Variants in CXXC5 observed in about 807,000 individuals in gnomAD.
CXXC5 encodes CXXC-type zinc finger protein 5.
Under a neutral mutation model 17.6 loss-of-function variants are expected in CXXC5, and 2 were observed. The ratio of observed to expected loss-of-function variants is 0.11; its 90% CI spans 0.05 to 0.36. The LOEUF (loss-of-function observed/expected upper bound fraction) is 0.36, where lower values mean the gene tolerates loss of function less well. CXXC5 is among the 10% of genes least tolerant of loss of function. The pLI, the probability that CXXC5 is intolerant of heterozygous loss-of-function variation, is 1.00. For missense variants in CXXC5, 343 were observed against 458.3 expected, an observed-to-expected ratio of 0.75 and a Z score of 2.30; for synonymous variants, 171 against 193.0, an observed-to-expected ratio of 0.89 and a Z score of 0.94.
chr5:139,652,854 G>A (rs914440060), intron 1 of CXXC5, among the ~76,000 whole-genome samples: 12 of 152,172 alleles, frequency 7.9e-5, no homozygotes, highest in African/African-American at 2.9e-4. Context: ...GTGTGTATCT[G>A]TGTGCTTTGT....
intron 1 of CXXC5, among the ~76,000 whole-genome samples, chr5:139,674,956 C>G (rs893315436): frequency 6.6e-6 from 1 of 152,220 alleles, no homozygotes; most frequent in Non-Finnish European, 1.5e-5. Flanking sequence ...CTCTTTCATG[C>G]CTTTGTCCCC....
chr5:139,679,071 G>C (rs1367013171), intron 1 of CXXC5, among the ~76,000 whole-genome samples: 1 of 152,236 alleles, frequency 6.6e-6, no homozygotes, highest in Non-Finnish European at 1.5e-5. Flanking sequence ...CCAGAGGACA[G>C]GCTCCTGCTG....
At chr5:139,659,259 G>T (rs192783299) in intron 1 of CXXC5, among the ~76,000 whole-genome samples, 6 of 152,158 alleles carry the variant, frequency 3.9e-5, no homozygotes, top group Admixed American at 2.6e-4. Context: ...GGACTGAGGT[G>T]GGGGGAGGTA....
intron 1 of CXXC5, chr5:139,649,466 C>G (rs939582501): frequency 1.3e-5 from 2 of 152,260 alleles, no homozygotes. Flanking sequence ...GCGCCCTCGA[C>G]CACGCGTGGC....
chr5:139,661,086 C>G lies in CXXC5; in HGVS notation c.-161+12241C>G, dbSNP rs1755780765. On this transcript the variant is annotated intron_variant, in intron 1 of 2. Coordinates refer to ENST00000302517, the MANE Select transcript of CXXC5 (RefSeq NM_016463.9). This position sits in a 1 kb window ranked among gnomAD's most constrained non-coding sequence, Gnocchi z 4.7. ...AGCCTCCCCCACCTCCGCCCTCATGCTCTTCCCCATGCTGCAGCCTCCCCT... is the reference window on the plus strand; with the variant it reads ...AGCCTCCCCCACCTCCGCCCTCATGGTCTTCCCCATGCTGCAGCCTCCCCT... Among the ~76,000 whole-genome samples the G allele has an allele frequency of 6.6e-6, 1 of 152,172 alleles. No homozygotes were observed. The highest frequency in any genetic ancestry group is 2.4e-5 in the African/African-American group (1 of 41,450).
In CXXC5 at chr5:139,663,009, C is replaced by T. The variant is rs1755909684; in HGVS notation, c.-161+14164C>T. On this transcript the variant is annotated intron_variant, in intron 1 of 2. Transcript: ENST00000302517. This position sits in a 1 kb window ranked among gnomAD's most constrained non-coding sequence, Gnocchi z 4.2. ...AGACCTGGCATTTTTCTGGGGGTGG[C>T]ATCCCACAACAAGGGCTCCTTAATT... Among the ~76,000 whole-genome samples the T allele has an allele frequency of 6.6e-6, 1 of 152,160 alleles. No homozygotes were observed. The highest frequency in any genetic ancestry group is 6.5e-5 in the Admixed American group (1 of 15,278).
Position 139,670,953 on chromosome 5 carries a change from A to G in CXXC5, c.-160-9411A>G, listed in dbSNP as rs1398053348. The stretch of plus-strand genomic sequence containing the variant: ...CACTGTATGCATTGCTCTCGTCACC[A>G]TACACACTCCAGCCCCCTGAGCCCG... On this transcript the variant is annotated intron_variant, in intron 1 of 2. Coordinates refer to ENST00000302517, the MANE Select transcript of CXXC5 (RefSeq NM_016463.9). The surrounding 1 kb of genome is among the most constrained non-coding windows in gnomAD (Gnocchi z 4.2). Among the ~76,000 whole-genome samples the G allele has an allele frequency of 6.6e-6, 1 of 152,166 alleles. No individual in the cohort carries two copies. Among genetic ancestry groups the G allele is most frequent in the Non-Finnish European group, 1.5e-5 (1 of 68,018 alleles).
rs2126766606 is a variant in CXXC5, at chr5:139,661,720, G to T, written c.-161+12875G>T. ...CACAGGCGCAGCTGCTGTGGTCAGG[G>T]CTCTGTTCCCCTAGACGCCCCGTGT... On this transcript the variant is annotated intron_variant, in intron 1 of 2. Transcript: ENST00000302517. This position sits in a 1 kb window ranked among gnomAD's most constrained non-coding sequence, Gnocchi z 4.7. Among the ~76,000 whole-genome samples, 1 of 152,374 alleles carries T rather than the reference G, an allele frequency of 6.6e-6. No homozygotes were observed. The highest frequency in any genetic ancestry group is 1.5e-5 in the Non-Finnish European group (1 of 68,036).
intron 1 of CXXC5, 79 bp from the exon 2 acceptor site, chr5:139,680,285 C>T (rs1757105015): frequency 1.7e-6 from 1 of 584,100 alleles, no homozygotes; most frequent in Non-Finnish European, 3.0e-6. Context: ...GATGACAGGA[C>T]CGTTGATAGT....
chr5:139,654,854 C>G (rs1755401883), intron 1 of CXXC5, among the ~76,000 whole-genome samples: 2 of 152,180 alleles, frequency 1.3e-5, no homozygotes, highest in African/African-American at 4.8e-5. Context: ...GACAAGGGGA[C>G]TGACCCAGGT....
chr5:139,672,055 G>T (rs762033503), intron 1 of CXXC5, among the ~76,000 whole-genome samples: 7 of 152,202 alleles, frequency 4.6e-5, no homozygotes, highest in Non-Finnish European at 8.8e-5. Flanking sequence ...CACAGTGCCT[G>T]GTGGACAGTG....
Position 139,658,810 on chromosome 5 carries a change from A to G in CXXC5, c.-161+9965A>G, listed in dbSNP as rs543441494. ...GAGGAGGCTTTTTTCAAGGTCTAAC[A>G]TCACCCTGACAATACCTTGGGATTC... On this transcript the variant is annotated intron_variant, in intron 1 of 2. Transcript: ENST00000302517. The surrounding 1 kb of genome is among the most constrained non-coding windows in gnomAD (Gnocchi z 4.1). 6.6e-6 allele frequency among the ~76,000 whole-genome samples: 1 copy of G among 152,196 alleles called. No individual in the cohort carries two copies. Among genetic ancestry groups the G allele is most frequent in the Admixed American group, 6.5e-5 (1 of 15,290 alleles).
chr5:139,651,584 T>A (rs1379385727), intron 1 of CXXC5, among the ~76,000 whole-genome samples: 1 of 152,174 alleles, frequency 6.6e-6, no homozygotes, highest in Non-Finnish European at 1.5e-5. Flanking sequence ...GGCTTGTATC[T>A]GGGTGAAGAA....
rs34430057 is a variant in CXXC5, at chr5:139,652,147, G to GGC, written c.-161+3326_-161+3327dup. ...ACCACCTGGTCCCATCCTAGCCGCC[G>GGC]GCGCGCGCGCGCGCGCGCGCGCGCG... On this transcript the variant is annotated intron_variant, in intron 1 of 2. Coordinates refer to ENST00000302517, the MANE Select transcript of CXXC5 (RefSeq NM_016463.9). Among the ~76,000 whole-genome samples the GGC allele has an allele frequency of 1.8e-3, 240 of 136,598 alleles. 1 individual carries two copies. Among genetic ancestry groups the GGC allele is most frequent in the Non-Finnish European group, 2.1e-3 (133 of 63,488 alleles). 89.6% of individuals were successfully genotyped at this position (136,598 alleles called of 152,430 possible).
chr5:139,664,617 C>T (rs760167170), intron 1 of CXXC5, among the ~76,000 whole-genome samples: 22 of 152,156 alleles, frequency 1.4e-4, no homozygotes, highest in Non-Finnish European at 1.9e-4. Context: ...AATGACTGTG[C>T]GAGTCTGCCC....
In CXXC5 at chr5:139,651,764, C is replaced by T. The variant is rs191370576; in HGVS notation, c.-161+2919C>T. Reference sequence around the variant, plus strand: ...GAGGAATGAGGGAATACGGGTGAGCCAGACCCAAGCCTGGGTTCCTAGAGC... The same window carrying T: ...GAGGAATGAGGGAATACGGGTGAGCTAGACCCAAGCCTGGGTTCCTAGAGC... On this transcript the variant is annotated intron_variant, in intron 1 of 2. Coordinates refer to ENST00000302517, the MANE Select transcript of CXXC5 (RefSeq NM_016463.9). Among the ~76,000 whole-genome samples, 47 of 152,110 alleles carry T rather than the reference C, an allele frequency of 3.1e-4. 1 individual carries two copies. The Middle Eastern group carries it at 0.014, about 44-fold the overall frequency.
rs13166999 is a variant in CXXC5, at chr5:139,651,297, G to T, written c.-161+2452G>T. The T allele has an allele frequency of 5.8e-3, 883 of 152,246 alleles. 10 individuals are homozygous for T. The highest frequency in any genetic ancestry group is 0.037 in the South Asian group (178 of 4,816). The allele number at this position is 152,246 out of a possible 1,614,324, so 9.4% of individuals were successfully genotyped here. A position where few individuals can be genotyped will look rare whatever the true frequency, so the allele number is the denominator to read the frequency against. ...CTGGCCAGGGCCTCCTATCTCTCCC[G>T]CGACAGAGCCTGTTGACTTACCCGA... On this transcript the variant is annotated intron_variant, in intron 1 of 2. Transcript: ENST00000302517.
intron 1 of CXXC5, among the ~76,000 whole-genome samples, chr5:139,656,976 C>T (rs1377536729): frequency 6.6e-6 from 1 of 152,228 alleles, no homozygotes; most frequent in South Asian, 2.1e-4. Context: ...TCACCTGCCT[C>T]GGCCTCCCGA....
rs1025031028 is a variant in CXXC5 at position 139,663,893 on chromosome 5, G to C, written c.-161+15048G>C. On this transcript the variant is annotated intron_variant, in intron 1 of 2. Transcript: ENST00000302517. This position sits in a 1 kb window ranked among gnomAD's most constrained non-coding sequence, Gnocchi z 4.2. ...TCACTGGCTAGGGGTTGGGCTCAGC[G>C]AGGGTCAGCAACCTGTCTGAGGTCA... Among the ~76,000 whole-genome samples the C allele has an allele frequency of 2.6e-5, 4 of 152,208 alleles. No individual in the cohort carries two copies. Among genetic ancestry groups the C allele is most frequent in the Non-Finnish European group, 4.4e-5 (3 of 68,022 alleles).
Sources: gnomAD v4.1 joint callset for allele counts (sites outside exome capture counted in the v4.1 genomes callset) on GRCh38, gnomAD v4.1.1 for gene constraint, Gnocchi (gnomAD v3.1) non-coding constraint, MANE v1.5 for transcripts, NCBI Gene and HGNC (gene_info 2026-07-23, HGNC 2026-07-21) for gene names.